The following EPB42 variants were observed in gnomAD, a reference collection of about 807,000 sequenced individuals.
EPB42 encodes erythrocyte membrane protein band 4.2.
In EPB42, 49 loss-of-function variants were observed where a neutral mutation model predicts 76.9. That is an observed-to-expected ratio of 0.64 (90% CI 0.51 to 0.81). EPB42 has a LOEUF of 0.81. Among genes scored for constraint, EPB42 ranks in the 30% least tolerant of loss-of-function variants. EPB42 has a pLI of 0.00. For missense variants in EPB42, 731 were observed against 867.6 expected (o/e 0.84, Z 1.98); for synonymous variants, 310 against 338.4 (o/e 0.92, Z 0.92).
At position 43,216,151 on chromosome 15, in the gene EPB42, TCTTACG is replaced by T. The variant is rs2042375119; in HGVS notation, c.196+111_196+116del. 15 of 1,309,752 alleles carry T rather than the reference TCTTACG, an allele frequency of 1.1e-5. No individual in the cohort carries two copies. In the South Asian group the frequency reaches 1.9e-4, roughly 16 times the overall value. The allele number at this position is 1,309,752 out of a possible 1,614,324, so 81.1% of individuals were successfully genotyped here. A position where few individuals can be genotyped will look rare whatever the true frequency, so the allele number is the denominator to read the frequency against. ...ACTGCCCTGCCAGGTGGGCAGGACT[TCTTACG>T]GCCCAGCTGCAGTGTGGGCCATTTG... On this transcript the variant is annotated intron_variant, in intron 2 of 12. Coordinates refer to ENST00000441366, the MANE Select transcript of EPB42 (RefSeq NM_001114134.2).
At chr15:43,210,296 C>T (rs372856442) in intron 5 of EPB42, 39 bp downstream of exon 5, 1 of 1,585,820 alleles carries the variant, frequency 6.3e-7, no homozygotes, top group Non-Finnish European at 8.6e-7. Flanking sequence ...GCTTTTTTCT[C>T]ACCCCTGCCC....
At chr15:43,221,652 C>T (rs1274597021), upstream of EPB42, among the ~76,000 whole-genome samples, 1 of 152,046 alleles carries the variant, frequency 6.6e-6, no homozygotes, top group African/African-American at 2.4e-5. Context: ...GTACTTGCTG[C>T]ATATACATGA....
chr15:43,203,107 G>C lies in EPB42; in HGVS notation c.1779+8C>G, dbSNP rs1449590331. The C allele has an allele frequency of 6.2e-7, 1 of 1,613,914 alleles. No homozygotes were observed. The highest frequency in any genetic ancestry group is 8.5e-7 in the Non-Finnish European group (1 of 1,179,996). On this transcript the variant is annotated splice_region_variant and intron_variant, in intron 11 of 12. Coordinates refer to ENST00000441366, the MANE Select transcript of EPB42 (RefSeq NM_001114134.2). ...ACGAGGGCAACTCAGGGGAGGACTG[G>C]TGCCTACCTTGATGGCAAGGTGTGG...
intron 1 of EPB42, among the ~76,000 whole-genome samples, chr15:43,218,741 T>G (rs1257278666): frequency 1.3e-5 from 2 of 152,248 alleles, no homozygotes; most frequent in East Asian, 3.8e-4. Flanking sequence ...TGCCAGACCC[T>G]CGCAGGGCCC....
At chr15:43,217,528 A>C (rs1192904757) in intron 1 of EPB42, among the ~76,000 whole-genome samples, 2 of 103,272 alleles carry the variant, frequency 1.9e-5, no homozygotes, top group Non-Finnish European at 3.9e-5. Flanking sequence ...CAAGATAAGG[A>C]ACAATGCTGG....
chr15:43,207,301 A>T lies in EPB42; in HGVS notation c.1216T>A (p.Leu406Met), dbSNP rs1439802882. The T allele has an allele frequency of 3.1e-6, 5 of 1,613,934 alleles. No homozygotes were observed. In the African/African-American group the frequency reaches 6.7e-5, roughly 22 times the overall value. Residue 406 changes from leucine to methionine, a missense_variant, in exon 9 of 13, where the codon TTG becomes ATG. Physicochemically the swap from Leu to Met is conservative, Grantham distance 15 (BLOSUM62 2). Transcript: ENST00000441366. ...ACATACTTTGTGTTGGAGTCAGTCA[A>T]CTCCAGTGTCCCATCCTCACAGCAC... is the stretch of plus-strand genomic sequence containing the variant. ...WKCCEDGTLE[L>M]TDSNTKYVGN...
In EPB42 at chr15:43,220,913, T is replaced by C; in HGVS notation, c.-88A>G. ...CTGGGCTCCTTCTGGGCTTTCTGTC[T>C]TCCAGACAGAAAATATGAAGGCACT... On this transcript the variant is annotated 5_prime_UTR_variant, in exon 1 of 13. Coordinates refer to ENST00000441366, the MANE Select transcript of EPB42 (RefSeq NM_001114134.2). 1 of 1,266,180 alleles carries C rather than the reference T, an allele frequency of 7.9e-7. No individual in the cohort carries two copies. The highest frequency in any genetic ancestry group is 1.1e-6 in the Non-Finnish European group (1 of 876,618). The allele number at this position is 1,266,180 out of a possible 1,614,324, so 78.4% of individuals were successfully genotyped here.
chr15:43,211,742 T>A (rs1049523208), intron 3 of EPB42, among the ~76,000 whole-genome samples: 1 of 152,146 alleles, frequency 6.6e-6, no homozygotes, highest in African/African-American at 2.4e-5. Context: ...GGTGTGGCCT[T>A]TATGGTCAGC....
intron 12 of EPB42, among the ~76,000 whole-genome samples, chr15:43,198,881 G>A (rs966603743): frequency 8.5e-5 from 13 of 152,212 alleles, no homozygotes; most frequent in East Asian, 1.9e-4. Flanking sequence ...CCAACATACC[G>A]CTTGGGCTGT....
In EPB42 at chr15:43,206,188, G is replaced by C; in HGVS notation, c.1618+142C>G. The stretch of plus-strand genomic sequence containing the variant: ...AAATATGTGTTGAATGAATGAATGA[G>C]AGAGAACATGAGAGTGAGCAGCAGG... On this transcript the variant is annotated intron_variant, in intron 10 of 12. Transcript: ENST00000441366. This position sits in a 1 kb window ranked among gnomAD's most constrained non-coding sequence, Gnocchi z 4.7. 1.2e-6 allele frequency: 1 copy of C among 836,926 alleles called. No homozygotes were observed. The highest frequency in any genetic ancestry group is 1.8e-6 in the Non-Finnish European group (1 of 557,710). 51.8% of individuals were successfully genotyped at this position (836,926 alleles called of 1,614,324 possible).
chr15:43,214,343 T>TG (rs776197915), intron 3 of EPB42, among the ~76,000 whole-genome samples: 15 of 151,836 alleles, frequency 9.9e-5, no homozygotes, highest in African/African-American at 1.5e-4. Context: ...TGGCCACGGT[T>TG]GGGGGGGCGG....
chr15:43,213,243 G>A (rs1226778125), intron 3 of EPB42, among the ~76,000 whole-genome samples: 5 of 152,074 alleles, frequency 3.3e-5, no homozygotes, highest in African/African-American at 4.8e-5. Flanking sequence ...TCTCTGCTTG[G>A]GTGTATGTAG....
chr15:43,198,925 G>A (rs911315679), intron 12 of EPB42, among the ~76,000 whole-genome samples: 12 of 152,218 alleles, frequency 7.9e-5, no homozygotes, highest in Non-Finnish European at 1.5e-5. Context: ...AGCCTTGGCA[G>A]CTTCCAAATG....
intron 4 of EPB42, among the ~76,000 whole-genome samples, chr15:43,210,806 C>T (rs557838832): frequency 6.6e-6 from 1 of 152,184 alleles, no homozygotes; most frequent in African/African-American, 2.4e-5. Context: ...GTGGAGGATA[C>T]CGAGGCAGCT....
intron 7 of EPB42, 60 bp from the exon 8 acceptor site, chr15:43,208,393 G>A: frequency 6.4e-7 from 1 of 1,555,696 alleles, no homozygotes; most frequent in Non-Finnish European, 8.8e-7. Context: ...AAGAGGTTCT[G>A]GAAATGCAGC....
In EPB42 at chr15:43,197,300, G is replaced by C; in HGVS notation, c.*2C>G. ...CAGGAGAGTGGTGATAGAGCTGGAA[G>C]TTTAAGCTGATAGTTCAGGGGCTAC... On this transcript the variant is annotated 3_prime_UTR_variant, in exon 13 of 13. Coordinates refer to ENST00000441366, the MANE Select transcript of EPB42 (RefSeq NM_001114134.2). 6.2e-7 allele frequency: 1 copy of C among 1,614,210 alleles called. No homozygotes were observed.
At chr15:43,220,649 A>ACCCCCCCCCCCCCCCCCCCC in intron 1 of EPB42, 167 bp downstream of exon 1, 1 of 388,272 alleles carries the variant, frequency 2.6e-6, no homozygotes, top group Non-Finnish European at 5.1e-6. Flanking sequence ...CACCTACCAC[A>ACCCCCCCCCCCCCCCCCCCC]CCCCCCCCCC....
intron 12 of EPB42, among the ~76,000 whole-genome samples, chr15:43,199,893 G>A (rs944097597): frequency 2.6e-5 from 4 of 152,052 alleles, no homozygotes; most frequent in Non-Finnish European, 4.4e-5. Context: ...CCACCACCAT[G>A]TTATAAATGC....
intron 1 of EPB42, among the ~76,000 whole-genome samples, chr15:43,218,577 C>T (rs1322144852): frequency 6.6e-5 from 10 of 152,232 alleles, no homozygotes; most frequent in Non-Finnish European, 1.5e-5. Context: ...CCCCAAGATA[C>T]AGTGCTTTCT....
Sources: allele counts gnomAD v4.1 joint callset (sites outside exome capture counted in the v4.1 genomes callset), GRCh38; gene constraint gnomAD v4.1.1; non-coding constraint Gnocchi (gnomAD v3.1); transcripts MANE v1.5; gene names NCBI Gene and HGNC (gene_info 2026-07-23, HGNC 2026-07-21).